MACF1: variants seen among roughly 807,000 people sequenced by gnomAD.
MACF1 encodes the protein microtubule actin crosslinking factor 1, also known as microtubule-actin cross-linking factor 1.
MACF1 carries 193 observed loss-of-function variants against 854.8 expected under a neutral mutation model. The ratio of observed to expected loss-of-function variants is 0.23; its 90% CI spans 0.20 to 0.25. The LOEUF is 0.25. MACF1 is among the 10% of genes least tolerant of loss of function. The probability of loss-of-function intolerance (pLI) is 1.00; values close to 1 mark genes in which losing one functional copy is unlikely to be tolerated. For synonymous variants in MACF1, 3,185 were observed against 3,226.7 expected, an observed-to-expected ratio of 0.99 and a Z score of 0.44; for missense variants, 7,722 against 8,929.1, an observed-to-expected ratio of 0.86 and a Z score of 5.45.
chr1:39,102,942 T>G (rs866090974), intron 2 of MACF1: 7 of 701,508 alleles, frequency 1.0e-5, no homozygotes, highest in Admixed American at 4.0e-5. Flanking sequence ...CCTCTAGCCT[T>G]GTAAAATTTT....
chr1:39,227,291 AC>A (rs772555671), intron 1 of MACF1, among the ~76,000 whole-genome samples: 3 of 151,818 alleles, frequency 2.0e-5, no homozygotes, highest in Non-Finnish European at 2.9e-5. Context: ...TGTTTCTTTT[AC>A]CAATCTTCTA....
At chr1:39,466,027 G>T (rs753100996) in intron 95 of MACF1, among the ~76,000 whole-genome samples, 12 of 152,188 alleles carry the variant, frequency 7.9e-5, no homozygotes, top group Non-Finnish European at 1.3e-4. Context: ...CTCTTCTACT[G>T]CTCCATTGAT....
At chr1:39,180,597 C>T (rs1215206923) in intron 2 of MACF1, among the ~76,000 whole-genome samples, 2 of 152,182 alleles carry the variant, frequency 1.3e-5, no homozygotes, top group African/African-American at 4.8e-5. Flanking sequence ...GCCTGGGCAA[C>T]AGAGCGATAC....
chr1:39,106,307 G>A (rs190002623), intron 2 of MACF1, among the ~76,000 whole-genome samples: 7 of 152,280 alleles, frequency 4.6e-5, no homozygotes, highest in African/African-American at 1.2e-4. Flanking sequence ...CCTGCTGGAG[G>A]TAGGGGTCTG....
upstream of MACF1, among the ~76,000 whole-genome samples, chr1:39,201,528 A>G (rs552384184): frequency 1.3e-5 from 2 of 152,040 alleles, no homozygotes; most frequent in Admixed American, 1.3e-4. Flanking sequence ...TATTTTTAGT[A>G]TTTTTAGTAG....
intron 6 of MACF1, among the ~76,000 whole-genome samples, chr1:39,263,196 G>C (rs1645185510): frequency 6.6e-6 from 1 of 152,130 alleles, no homozygotes; most frequent in Non-Finnish European, 1.5e-5. Context: ...TGTTAATGAA[G>C]TAGAATAATG....
intron 52 of MACF1, among the ~76,000 whole-genome samples, chr1:39,377,770 G>A (rs184015442): frequency 1.3e-5 from 2 of 152,282 alleles, no homozygotes; most frequent in East Asian, 1.9e-4. Flanking sequence ...TTGGGAGGCC[G>A]AGGCAGGCAG....
chr1:39,446,642 C>G (rs536825866), intron 80 of MACF1, among the ~76,000 whole-genome samples: 2 of 152,120 alleles, frequency 1.3e-5, no homozygotes, highest in Non-Finnish European at 2.9e-5. Flanking sequence ...TTTGGAAATA[C>G]TCATTTTTGT....
At chr1:39,163,344 A>AG (rs1393954873) in intron 2 of MACF1, among the ~76,000 whole-genome samples, 1 of 147,850 alleles carries the variant, frequency 6.8e-6, no homozygotes, top group Non-Finnish European at 1.5e-5. Context: ...CTGTCTCAAA[A>AG]AAAAAAAAAA....
intron 2 of MACF1, among the ~76,000 whole-genome samples, chr1:39,150,122 A>G (rs1036358751): frequency 2.0e-5 from 3 of 151,948 alleles, no homozygotes; most frequent in Non-Finnish European, 2.9e-5. Flanking sequence ...CACTCAAGCA[A>G]TCCTCCCACC....
intron 2 of MACF1, among the ~76,000 whole-genome samples, chr1:39,249,116 T>C (rs916886473): frequency 3.3e-5 from 5 of 152,164 alleles, no homozygotes; most frequent in African/African-American, 7.2e-5. Context: ...ACTTAACTTA[T>C]AGCTAAGTGA....
rs192112467 is a variant in MACF1, at chr1:39,162,411, G to C, written c.221-68771G>C. Among the ~76,000 whole-genome samples the C allele has an allele frequency of 2.2e-4, 33 of 152,218 alleles. No homozygotes were observed. The East Asian group carries it at 5.6e-3, about 26-fold the overall frequency. ...TTGCATATACTGTCTTATTTCCTCT[G>C]CCTGGAATCCCATTATTTTTTTCTC... On this transcript the variant is annotated intron_variant, in intron 2 of 93. Coordinates refer to the MACF1 transcript ENST00000361689.
chr1:39,230,628 C>T (rs1364863075), intron 1 of MACF1, among the ~76,000 whole-genome samples: 3 of 150,236 alleles, frequency 2.0e-5, no homozygotes, highest in African/African-American at 7.3e-5. Context: ...GCTGCTGTGA[C>T]AGGAGAAGGT....
At chr1:39,317,609 G>A (rs987153974) in intron 29 of MACF1, among the ~76,000 whole-genome samples, 4 of 152,210 alleles carry the variant, frequency 2.6e-5, no homozygotes, top group Non-Finnish European at 5.9e-5. Flanking sequence ...TGCCTCTCCT[G>A]TGTCCCAGGT....
chr1:39,315,495 G>A lies in MACF1; in HGVS notation c.3271-18G>A. ...TTCAATTCTGTCTCCCTCTTTATGT[G>A]TGTCTTGTTCCTGGCAGCACACCCA... On this transcript the variant is annotated intron_variant, in intron 26 of 100. Coordinates refer to ENST00000564288, the MANE Select transcript of MACF1 (RefSeq NM_001394062.1). 1 of 1,612,878 alleles carries A rather than the reference G, an allele frequency of 6.2e-7. No homozygotes were observed. Among genetic ancestry groups the A allele is most frequent in the African/African-American group, 1.3e-5 (1 of 74,984 alleles).
chr1:39,380,246 C>T lies in MACF1; in HGVS notation c.13521C>T (p.Ala4507=), dbSNP rs1557620244. Residue 4507 remains alanine (A), a splice_region_variant and synonymous_variant, in exon 55 of 101, where the codon GCC becomes GCT. Coordinates refer to ENST00000564288, the MANE Select transcript of MACF1 (RefSeq NM_001394062.1). ...TVKAQAESNK[A]FLAELEQNSP... is the part of the protein sequence containing the mutation. The stretch of plus-strand genomic sequence containing the variant: ...ATGCATGGCATTCTTTCTCCTAGGC[C>T]TTCCTGGCTGAGTTGGAACAGAATT... The T allele has an allele frequency of 6.2e-7, 1 of 1,612,758 alleles. No homozygotes were observed. Among genetic ancestry groups the T allele is most frequent in the East Asian group, 2.2e-5 (1 of 44,808 alleles).
Position 39,430,809 on chromosome 1 carries a change from T to A in MACF1, c.17238T>A (p.Asp5746Glu). The change falls in exon 66 of 101, where the codon GAT becomes GAA. Residue 5746 changes from aspartate to glutamate, a missense_variant. This residue lies in a region of MACF1 where 2,807 missense variants were observed against 3,235.8 expected (regional missense o/e 0.87). Coordinates refer to ENST00000564288, the MANE Select transcript of MACF1 (RefSeq NM_001394062.1). The stretch of plus-strand genomic sequence containing the variant: ...CCTGGAGAGCCAGAGAAGGGCTGGA[T>A]AAACTTGTGTCCGATGCTAACGAGC... ...LVPWRAREGL[D>E]KLVSDANEQY... 1 of 1,612,672 alleles carries A rather than the reference T, an allele frequency of 6.2e-7. No homozygotes were observed. Among genetic ancestry groups the A allele is most frequent in the Non-Finnish European group, 8.5e-7 (1 of 1,180,002 alleles).
chr1:39,428,137 A>G lies in MACF1; in HGVS notation c.16653A>G (p.Leu5551=), dbSNP rs759317601. Residue 5551 remains leucine (L), a synonymous_variant, in exon 63 of 101, where the codon CTA becomes CTG. Transcript: ENST00000564288. ...IQDRCCRKAA[L]LDQALSNARL... is the part of the protein sequence containing the mutation. ...ACCGCTGTTGTCGGAAGGCAGCCCT[A>G]CTTGACCAAGCTCTGTCTAATGCTA... The G allele has an allele frequency of 9.9e-6, 16 of 1,614,066 alleles. No individual in the cohort carries two copies. Among genetic ancestry groups the G allele is most frequent in the African/African-American group, 1.3e-5 (1 of 74,934 alleles).
At position 39,167,214 on chromosome 1, in the gene MACF1, G is replaced by A. The variant is rs191247543; in HGVS notation, c.221-63968G>A. ...TGACCTTGGGTGATCCACCCACCTC[G>A]GCCTCCCAAAGTGCTGGGATTACAG... On this transcript the variant is annotated intron_variant, in intron 2 of 93. Transcript: ENST00000361689. Among the ~76,000 whole-genome samples the A allele has an allele frequency of 4.9e-3, 744 of 151,142 alleles. 5 individuals are homozygous for A. The highest frequency in any genetic ancestry group is 0.017 in the African/African-American group (714 of 41,306).
Sources: gnomAD v4.1 joint callset for allele counts (sites outside exome capture counted in the v4.1 genomes callset) on GRCh38, gnomAD v4.1.1 for gene constraint, gnomAD v4.1.1 regional missense constraint, MANE v1.5 for transcripts, NCBI Gene and HGNC (gene_info 2026-07-23, HGNC 2026-07-21) for gene names.